PAPPA2: variants seen among roughly 807,000 people sequenced by gnomAD.
The protein encoded by PAPPA2 is pappalysin-2.
Under a neutral mutation model 176.4 loss-of-function variants are expected in PAPPA2, and 86 were observed. That is an observed-to-expected ratio of 0.49 (90% CI 0.41 to 0.58). PAPPA2 has a LOEUF of 0.58. Ranked by LOEUF, PAPPA2 falls within the 20% of genes least tolerant of loss-of-function variation. The probability of loss-of-function intolerance (pLI) is 0.00; values close to 1 mark genes in which losing one functional copy is unlikely to be tolerated. For synonymous variants in PAPPA2, 809 were observed against 852.2 expected, an observed-to-expected ratio of 0.95 and a Z score of 0.88; for missense variants, 2,073 against 2,256.9, an observed-to-expected ratio of 0.92 and a Z score of 1.65.
At chr1:176,553,285 G>C (rs1023672162) in intron 1 of PAPPA2, among the ~76,000 whole-genome samples, 2 of 147,732 alleles carry the variant, frequency 1.4e-5, no homozygotes, top group Non-Finnish European at 3.0e-5. Flanking sequence ...GGCTGAGGGA[G>C]GGAGGGGGCA....
intron 6 of PAPPA2, among the ~76,000 whole-genome samples, chr1:176,692,959 T>C (rs1253548497): frequency 6.6e-6 from 1 of 152,248 alleles, no homozygotes; most frequent in African/African-American, 2.4e-5. Flanking sequence ...AGACACCTAA[T>C]GTGTGTTTGC....
chr1:176,625,719 G>A (rs766191905), intron 3 of PAPPA2, among the ~76,000 whole-genome samples: 6 of 152,182 alleles, frequency 3.9e-5, no homozygotes, highest in Non-Finnish European at 7.3e-5. Flanking sequence ...AATGTCATAT[G>A]TGGAGAAGAG....
rs545586279 is a variant in PAPPA2, at chr1:176,654,712, G to A, written c.1992-16258G>A. On this transcript the variant is annotated intron_variant, in intron 3 of 22. Coordinates refer to ENST00000367662, the MANE Select transcript of PAPPA2 (RefSeq NM_020318.3). Reference sequence around the variant, plus strand: ...TACTTCTTCCATTCCATGAGCATGGGATGTTTTTCCATTTGTTTGCATCAT... The same window carrying A: ...TACTTCTTCCATTCCATGAGCATGGAATGTTTTTCCATTTGTTTGCATCAT... 3.8e-3 allele frequency among the ~76,000 whole-genome samples: 577 copies of A among 151,664 alleles called. 1 individual carries two copies. The highest frequency in any genetic ancestry group is 7.1e-3 in the South Asian group (34 of 4,814).
At chr1:176,740,821 T>A (rs1185156966) in intron 14 of PAPPA2, among the ~76,000 whole-genome samples, 1 of 152,146 alleles carries the variant, frequency 6.6e-6, no homozygotes, top group Admixed American at 6.5e-5. Context: ...CAATAATCTA[T>A]TCTGCATTTG....
intron 21 of PAPPA2, among the ~76,000 whole-genome samples, chr1:176,806,772 T>A (rs1005846543): frequency 6.6e-6 from 1 of 152,194 alleles, no homozygotes; most frequent in Non-Finnish European, 1.5e-5. Context: ...AGCATGGTTG[T>A]GCTAATTTTT....
At chr1:176,491,148 C>T (rs1457592444) in intron 1 of PAPPA2, among the ~76,000 whole-genome samples, 1 of 152,216 alleles carries the variant, frequency 6.6e-6, no homozygotes, top group Non-Finnish European at 1.5e-5. Flanking sequence ...CAGACATTTA[C>T]TACATGCTGG....
At chr1:176,759,334 A>G (rs543510841) in intron 14 of PAPPA2, among the ~76,000 whole-genome samples, 100 of 152,294 alleles carry the variant, frequency 6.6e-4, no homozygotes, top group African/African-American at 2.1e-3. Context: ...TTCTCATTTA[A>G]TACAAGAAAT....
At chr1:176,726,704 G>A (rs1661891062) in intron 12 of PAPPA2, among the ~76,000 whole-genome samples, 1 of 152,162 alleles carries the variant, frequency 6.6e-6, no homozygotes, top group African/African-American at 2.4e-5. Flanking sequence ...CAAGGATGAG[G>A]AGAATTTGTG....
intron 14 of PAPPA2, among the ~76,000 whole-genome samples, chr1:176,751,139 T>A (rs1272249136): frequency 1.3e-5 from 2 of 151,758 alleles, no homozygotes; most frequent in African/African-American, 2.4e-5. Flanking sequence ...TTGTCAAAGA[T>A]CAGGTAGTTG....
chr1:176,639,238 A>G (rs1656919740), intron 3 of PAPPA2, among the ~76,000 whole-genome samples: 1 of 151,868 alleles, frequency 6.6e-6, no homozygotes, highest in Admixed American at 6.6e-5. Flanking sequence ...TTTTGTTCCA[A>G]ATACTAGAGT....
chr1:176,839,318 T>C (rs1178632703), intron 21 of PAPPA2, among the ~76,000 whole-genome samples: 1 of 152,236 alleles, frequency 6.6e-6, no homozygotes, highest in Admixed American at 6.5e-5. Context: ...AGCTATTTTT[T>C]AACAACTTGT....
chr1:176,587,059 A>G (rs1653359495), intron 2 of PAPPA2, among the ~76,000 whole-genome samples: 1 of 151,280 alleles, frequency 6.6e-6, no homozygotes, highest in African/African-American at 2.4e-5. Context: ...TTTTTTTCAT[A>G]TGTTTGTTGG....
chr1:176,770,913 A>G, intron 16 of PAPPA2, 54 bp from the exon 17 acceptor site: 1 of 1,535,320 alleles, frequency 6.5e-7, no homozygotes, highest in Admixed American at 1.7e-5. Flanking sequence ...TGCTATGATT[A>G]TCTTTCTGGG....
At chr1:176,606,087 A>C (rs1216065720) in intron 3 of PAPPA2, among the ~76,000 whole-genome samples, 2 of 151,378 alleles carry the variant, frequency 1.3e-5, no homozygotes, top group Non-Finnish European at 3.0e-5. Context: ...ACACACACAT[A>C]TATATATAAT....
chr1:176,641,524 G>A (rs796476953), intron 3 of PAPPA2, among the ~76,000 whole-genome samples: 1 of 151,346 alleles, frequency 6.6e-6, no homozygotes, highest in African/African-American at 2.4e-5. Flanking sequence ...ATTTCTGAGG[G>A]CTCTGTTCTG....
chr1:176,562,041 C>T (rs1009120257), intron 2 of PAPPA2, among the ~76,000 whole-genome samples: 2 of 152,154 alleles, frequency 1.3e-5, no homozygotes, highest in African/African-American at 4.8e-5. Context: ...TCAATTACCT[C>T]CCACCAGGTC....
intron 1 of PAPPA2, among the ~76,000 whole-genome samples, chr1:176,552,276 C>T (rs1488766383): frequency 1.3e-5 from 2 of 151,696 alleles, no homozygotes; most frequent in Non-Finnish European, 2.9e-5. Flanking sequence ...TTCTCTTTTT[C>T]CTAGTCCTCC....
chr1:176,587,363 C>T (rs191778391), intron 2 of PAPPA2, among the ~76,000 whole-genome samples: 57 of 152,120 alleles, frequency 3.7e-4, no homozygotes, highest in Non-Finnish European at 2.6e-4. Context: ...AAGTCTTTGC[C>T]CATGCCTATG....
At chr1:176,559,735 T>TA (rs1367107757) in intron 2 of PAPPA2, among the ~76,000 whole-genome samples, 2 of 152,190 alleles carry the variant, frequency 1.3e-5, no homozygotes, top group Non-Finnish European at 2.9e-5. Flanking sequence ...GGGAGCCACA[T>TA]ACAATTCAGC....
Sources: allele counts gnomAD v4.1 joint callset (sites outside exome capture counted in the v4.1 genomes callset), GRCh38; gene constraint gnomAD v4.1.1; transcripts MANE v1.5; gene names NCBI Gene and HGNC (gene_info 2026-07-23, HGNC 2026-07-21).